Variants in MAK observed in about 807,000 individuals in gnomAD.
The protein encoded by MAK is male germ cell associated kinase.
In MAK, 65 loss-of-function variants were observed where a neutral mutation model predicts 82.6. The ratio of observed to expected loss-of-function variants is 0.79; its 90% CI spans 0.64 to 0.97. MAK has a LOEUF of 0.97. Ranked by LOEUF, MAK falls within the 50% of genes least tolerant of loss-of-function variation. The probability of loss-of-function intolerance (pLI) is 0.00; values close to 1 mark genes in which losing one functional copy is unlikely to be tolerated. For missense variants in MAK, 703 were observed against 780.2 expected (o/e 0.90, Z 1.18); for synonymous variants, 250 against 274.2 (o/e 0.91, Z 0.87).
At chr6:10,798,802 AT>A (rs35847676) in intron 8 of MAK, among the ~76,000 whole-genome samples, 8 of 44,688 alleles carry the variant, frequency 1.8e-4, no homozygotes, top group Admixed American at 1.2e-3. Flanking sequence ...TAGAAACATT[AT>A]TTATTTATTT....
chr6:10,798,706 C>T (rs936118966), intron 8 of MAK, among the ~76,000 whole-genome samples: 1 of 151,860 alleles, frequency 6.6e-6, no homozygotes, highest in Non-Finnish European at 1.5e-5. Flanking sequence ...TGAGATTTCT[C>T]CCAAATTATT....
chr6:10,788,066 GC>G (rs1409770478), intron 10 of MAK, among the ~76,000 whole-genome samples: 1 of 151,646 alleles, frequency 6.6e-6, no homozygotes, highest in African/African-American at 2.4e-5. Context: ...AGGCTGGGGT[GC>G]AGTGGCTCGG....
At chr6:10,813,085 T>C (rs535972131) in intron 5 of MAK, among the ~76,000 whole-genome samples, 121 of 34,268 alleles carry the variant, frequency 3.5e-3, no homozygotes, top group Middle Eastern at 0.011. Flanking sequence ...GTTATGTATT[T>C]TTATATATAT....
At chr6:10,770,319 A>G in intron 13 of MAK, 89 bp from the exon 14 acceptor site, 1 of 1,453,998 alleles carries the variant, frequency 6.9e-7, no homozygotes, top group East Asian at 2.3e-5. Context: ...TTACTTCTAA[A>G]TACTATTTTT....
intron 2 of MAK, among the ~76,000 whole-genome samples, chr6:10,830,124 CGT>C (rs35519970): frequency 0.39 from 54,730 of 141,216 alleles, 10,402 homozygotes; most frequent in East Asian, 0.44. Context: ...CCTGTGTGCA[CGT>C]GTGTGTGTGT....
chr6:10,792,747 A>G (rs1464683399), intron 9 of MAK, among the ~76,000 whole-genome samples: 2 of 152,230 alleles, frequency 1.3e-5, no homozygotes, highest in Non-Finnish European at 2.9e-5. Context: ...AAGAATGGAC[A>G]TGCTATTGCT....
chr6:10,824,890 AC>A (rs1379708356), intron 2 of MAK, among the ~76,000 whole-genome samples: 1 of 152,084 alleles, frequency 6.6e-6, no homozygotes, highest in Non-Finnish European at 1.5e-5. Flanking sequence ...CCCAAGGAAC[AC>A]CACAGCCGAT....
intron 13 of MAK, among the ~76,000 whole-genome samples, chr6:10,772,797 ATTAAT>A (rs1318877939): frequency 6.6e-6 from 1 of 152,156 alleles, no homozygotes; most frequent in Admixed American, 6.5e-5. Flanking sequence ...AATTTCCGTA[ATTAAT>A]TTAAGAAGAC....
intron 2 of MAK, among the ~76,000 whole-genome samples, chr6:10,819,241 C>G (rs1229291295): frequency 6.6e-6 from 1 of 152,196 alleles, no homozygotes; most frequent in African/African-American, 2.4e-5. Context: ...TTTCAAGATT[C>G]TCTCTTTTTA....
intron 11 of MAK, among the ~76,000 whole-genome samples, chr6:10,778,342 A>G (rs1030782548): frequency 6.6e-6 from 1 of 152,172 alleles, no homozygotes; most frequent in Non-Finnish European, 1.5e-5. Flanking sequence ...GAGGGGGCAA[A>G]TAACAGAAGC....
At chr6:10,830,004 T>G (rs1297899312) in intron 2 of MAK, among the ~76,000 whole-genome samples, 344 of 127,978 alleles carry the variant, frequency 2.7e-3, no homozygotes, top group Middle Eastern at 0.018. Context: ...GCCTGGCTAA[T>G]TTTTGTATTT....
intron 10 of MAK, among the ~76,000 whole-genome samples, chr6:10,790,029 C>T (rs562548707): frequency 6.6e-6 from 1 of 152,190 alleles, no homozygotes; most frequent in Non-Finnish European, 1.5e-5. Context: ...CAGGGGACTA[C>T]TGTACCCAAT....
At chr6:10,829,493 G>T (rs1460776040) in intron 2 of MAK, among the ~76,000 whole-genome samples, 1 of 152,124 alleles carries the variant, frequency 6.6e-6, no homozygotes, top group Non-Finnish European at 1.5e-5. Context: ...TTGAGCCTGG[G>T]AAGTCAGGAC....
At chr6:10,827,442 C>T (rs1267342408) in intron 2 of MAK, among the ~76,000 whole-genome samples, 1 of 152,112 alleles carries the variant, frequency 6.6e-6, no homozygotes, top group Non-Finnish European at 1.5e-5. Flanking sequence ...TGTCTAATAA[C>T]ACTCATTTCT....
At chr6:10,806,505 A>ATTTTTTTTTTTTTTTTT (rs70991049) in intron 6 of MAK, among the ~76,000 whole-genome samples, 3 of 117,138 alleles carry the variant, frequency 2.6e-5, no homozygotes, top group African/African-American at 3.3e-5. Flanking sequence ...CACCCGTCTA[A>ATTTTTTTTTTTTTTTTT]TTTTTTTTTT....
At chr6:10,807,560 C>T (rs923325606) in intron 6 of MAK, among the ~76,000 whole-genome samples, 2 of 151,514 alleles carry the variant, frequency 1.3e-5, no homozygotes, top group Admixed American at 6.6e-5. Flanking sequence ...AGGCTGGTCT[C>T]GAACTCCTGG....
Position 10,763,710 on chromosome 6 carries a change from G to T in MAK, c.*742C>A, listed in dbSNP as rs1203869236. The T allele has an allele frequency of 3.3e-5, 5 of 152,122 alleles. No individual in the cohort carries two copies. Among genetic ancestry groups the T allele is most frequent in the African/African-American group, 1.2e-4 (5 of 41,354 alleles). 9.4% of individuals were successfully genotyped at this position (152,122 alleles called of 1,614,324 possible). On this transcript the variant is annotated 3_prime_UTR_variant, in exon 15 of 15. Transcript: ENST00000354489. ...TACTAATACTACAAAAATTAGCCAG[G>T]CATGGTGGCACACGCCTCTAATCCC...
At chr6:10,791,317 A>G (rs1490663113) in intron 10 of MAK, among the ~76,000 whole-genome samples, 2 of 152,086 alleles carry the variant, frequency 1.3e-5, no homozygotes, top group Admixed American at 1.3e-4. Context: ...CCCAGGCTGG[A>G]ATGCAATGGC....
intron 10 of MAK, among the ~76,000 whole-genome samples, chr6:10,790,238 A>C (rs975527468): frequency 6.6e-6 from 1 of 152,138 alleles, no homozygotes; most frequent in African/African-American, 2.4e-5. Flanking sequence ...CTGGAAACGG[A>C]TTGCATAAGA....
Sources: allele counts gnomAD v4.1 joint callset (sites outside exome capture counted in the v4.1 genomes callset), GRCh38; gene constraint gnomAD v4.1.1; transcripts MANE v1.5; gene names NCBI Gene and HGNC (gene_info 2026-07-23, HGNC 2026-07-21).